DPYD: variants seen among roughly 807,000 people sequenced by gnomAD.
The protein encoded by DPYD is dihydropyrimidine dehydrogenase.
In DPYD, 109 loss-of-function variants were observed where a neutral mutation model predicts 116.2. The observed-to-expected ratio is 0.94, with a 90% CI of 0.80 to 1.10. DPYD has a LOEUF of 1.10. Ranked by LOEUF, DPYD falls within the 50% of genes least tolerant of loss-of-function variation. The pLI is 0.00. For synonymous variants in DPYD, 440 were observed against 432.0 expected, an observed-to-expected ratio of 1.02 and a Z score of -0.23; for missense variants, 1,302 against 1,254.5, an observed-to-expected ratio of 1.04 and a Z score of -0.57.
At chr1:97,749,526 A>T (rs898992916) in intron 3 of DPYD, among the ~76,000 whole-genome samples, 2 of 152,196 alleles carry the variant, frequency 1.3e-5, no homozygotes, top group African/African-American at 4.8e-5. Flanking sequence ...TAAAGAGTTC[A>T]GTTAACAGCT....
At chr1:97,334,485 G>T (rs757433342) in intron 16 of DPYD, among the ~76,000 whole-genome samples, 5 of 137,392 alleles carry the variant, frequency 3.6e-5, no homozygotes, top group Non-Finnish European at 6.3e-5. Flanking sequence ...CAAAACAATA[G>T]CAGAATTACG....
intron 8 of DPYD, among the ~76,000 whole-genome samples, chr1:97,662,337 T>C (rs989631565): frequency 6.6e-6 from 1 of 151,874 alleles, no homozygotes; most frequent in African/African-American, 2.4e-5. Flanking sequence ...ATAGTATTCA[T>C]GAATACCAGC....
intron 21 of DPYD, among the ~76,000 whole-genome samples, chr1:97,092,603 G>C (rs932277080): frequency 1.3e-5 from 2 of 152,052 alleles, no homozygotes; most frequent in African/African-American, 4.8e-5. Context: ...TACATGTGCA[G>C]CTTCTATCTT....
intron 2 of DPYD, among the ~76,000 whole-genome samples, chr1:97,849,119 T>C (rs1402031404): frequency 6.6e-6 from 1 of 152,198 alleles, no homozygotes; most frequent in Non-Finnish European, 1.5e-5. Flanking sequence ...ATTATTGTGA[T>C]ACTGAAGTCA....
intron 12 of DPYD, among the ~76,000 whole-genome samples, chr1:97,520,389 G>A (rs1648560197): frequency 6.6e-6 from 1 of 152,056 alleles, no homozygotes; most frequent in African/African-American, 2.4e-5. Context: ...AAACTCAACT[G>A]ATTCATTCAA....
intron 3 of DPYD, among the ~76,000 whole-genome samples, chr1:97,773,660 G>A (rs576068795): frequency 2.1e-4 from 32 of 152,296 alleles, no homozygotes; most frequent in African/African-American, 7.2e-4. Context: ...GCCATCGATG[G>A]CAGAACGACA....
At chr1:97,545,948 A>G (rs1650818107) in intron 12 of DPYD, 4 of 1,149,580 alleles carry the variant, frequency 3.5e-6, no homozygotes, top group Non-Finnish European at 5.3e-6. Flanking sequence ...GTCATACTCT[A>G]CTGCACTTCC....
chr1:97,233,976 T>C (rs1661743374), intron 19 of DPYD, among the ~76,000 whole-genome samples: 1 of 152,226 alleles, frequency 6.6e-6, no homozygotes, highest in African/African-American at 2.4e-5. Flanking sequence ...TAATTCTGAT[T>C]GTCAAGTTAG....
At chr1:97,459,796 T>C (rs1676914343) in intron 13 of DPYD, among the ~76,000 whole-genome samples, 1 of 151,776 alleles carries the variant, frequency 6.6e-6, no homozygotes, top group African/African-American at 2.4e-5. Flanking sequence ...AACAAAATAT[T>C]GAACAATAAC....
intron 1 of DPYD, among the ~76,000 whole-genome samples, chr1:97,899,307 T>C (rs545656235): frequency 4.6e-5 from 7 of 151,968 alleles, no homozygotes; most frequent in Non-Finnish European, 8.8e-5. Flanking sequence ...GCTTCCCTTA[T>C]TGGCAACTCT....
chr1:97,430,216 G>C (rs372096656), intron 14 of DPYD, among the ~76,000 whole-genome samples: 1 of 152,030 alleles, frequency 6.6e-6, no homozygotes, highest in Non-Finnish European at 1.5e-5. Context: ...TCAGAAAATC[G>C]CAGGAGATGT....
chr1:97,326,367 T>C (rs948280799), intron 16 of DPYD, among the ~76,000 whole-genome samples: 2 of 151,848 alleles, frequency 1.3e-5, no homozygotes, highest in Non-Finnish European at 2.9e-5. Context: ...TTAATAGAAA[T>C]CTGGATCTCA....
chr1:97,860,658 C>A (rs1571486144), intron 2 of DPYD, among the ~76,000 whole-genome samples: 1 of 151,714 alleles, frequency 6.6e-6, no homozygotes, highest in African/African-American at 2.4e-5. Context: ...AAATGACAAA[C>A]CAGAAACTGA....
intron 3 of DPYD, among the ~76,000 whole-genome samples, chr1:97,742,797 T>C (rs932042834): frequency 1.3e-5 from 2 of 152,112 alleles, no homozygotes; most frequent in Non-Finnish European, 2.9e-5. Context: ...GTAAATAATA[T>C]GCCAACTTAA....
intron 19 of DPYD, among the ~76,000 whole-genome samples, chr1:97,203,718 T>C (rs1425999064): frequency 1.3e-5 from 1 of 79,420 alleles, no homozygotes; most frequent in Admixed American, 2.3e-4. Context: ...AATTAACGCA[T>C]GGAATTTTTT....
rs537225535 is a variant in DPYD at position 97,500,457 on chromosome 1, T to A, written c.1740+15269A>T. Among the ~76,000 whole-genome samples, 4 of 152,126 alleles carry A rather than the reference T, an allele frequency of 2.6e-5. No individual in the cohort carries two copies. The East Asian group carries it at 7.8e-4, about 30-fold the overall frequency. On this transcript the variant is annotated intron_variant, in intron 13 of 22. Transcript: ENST00000370192. Reference sequence around the variant, plus strand: ...AATAATTAAATAATGAATTCAAAGCTCTTATTTCAAATGTCTTCTAATCAG... The same window carrying A: ...AATAATTAAATAATGAATTCAAAGCACTTATTTCAAATGTCTTCTAATCAG...
intron 19 of DPYD, among the ~76,000 whole-genome samples, chr1:97,221,848 C>T (rs184373096): frequency 1.4e-4 from 22 of 152,144 alleles, no homozygotes; most frequent in Admixed American, 1.4e-3. Context: ...GTTCATTCAT[C>T]TTGGCTCTCT....
chr1:97,651,082 CG>C (rs1658554137), intron 8 of DPYD, among the ~76,000 whole-genome samples: 1 of 151,864 alleles, frequency 6.6e-6, no homozygotes, highest in Non-Finnish European at 1.5e-5. Context: ...CTTTGGGCAC[CG>C]TTATTTTAAG....
At chr1:97,707,907 T>C (rs967200734) in intron 5 of DPYD, among the ~76,000 whole-genome samples, 1 of 152,150 alleles carries the variant, frequency 6.6e-6, no homozygotes, top group Non-Finnish European at 1.5e-5. Context: ...AACAGTTCTT[T>C]ATGAAGTATG....
Sources: allele counts gnomAD v4.1 joint callset (sites outside exome capture counted in the v4.1 genomes callset), GRCh38; gene constraint gnomAD v4.1.1; transcripts MANE v1.5; gene names NCBI Gene and HGNC (gene_info 2026-07-23, HGNC 2026-07-21).